The following CNTN4 variants were observed in gnomAD, a reference collection of about 807,000 sequenced individuals.
CNTN4 encodes the protein contactin 4, also known as contactin-4.
A neutral mutation model predicts 122.5 loss-of-function variants in CNTN4; 77 were observed. The ratio of observed to expected loss-of-function variants is 0.63; its 90% CI spans 0.52 to 0.76. The LOEUF (loss-of-function observed/expected upper bound fraction) is 0.76. CNTN4 is among the 30% of genes least tolerant of loss of function. CNTN4 has a pLI of 0.00. For missense variants in CNTN4, 1,256 were observed against 1,259.1 expected (o/e 1.00, Z 0.04); for synonymous variants, 512 against 447.0 (o/e 1.15, Z -1.83).
chr3:2,645,944 C>A (rs894649188), intron 4 of CNTN4, among the ~76,000 whole-genome samples: 1 of 152,186 alleles, frequency 6.6e-6, no homozygotes, highest in Non-Finnish European at 1.5e-5. Context: ...TCAACTGTAT[C>A]ACTTCAACTA....
At chr3:2,554,460 A>AT (rs1406709668) in intron 3 of CNTN4, among the ~76,000 whole-genome samples, 7 of 152,098 alleles carry the variant, frequency 4.6e-5, no homozygotes, top group Non-Finnish European at 8.8e-5. Context: ...TTGTACAATG[A>AT]TTTTGAGTAA....
chr3:2,583,799 T>C (rs1394270973), intron 4 of CNTN4, among the ~76,000 whole-genome samples: 2 of 152,236 alleles, frequency 1.3e-5, no homozygotes, highest in Non-Finnish European at 2.9e-5. Context: ...TACCGAGATA[T>C]CTGTGATTTA....
intron 2 of CNTN4, among the ~76,000 whole-genome samples, chr3:2,165,430 C>G (rs2036153439): frequency 6.6e-6 from 1 of 152,006 alleles, no homozygotes; most frequent in Non-Finnish European, 1.5e-5. Context: ...AGGTATACAA[C>G]TTGATTATTT....
intron 7 of CNTN4, among the ~76,000 whole-genome samples, chr3:2,824,388 T>A (rs953340695): frequency 1.3e-5 from 2 of 151,386 alleles, no homozygotes; most frequent in South Asian, 4.2e-4. Flanking sequence ...ACTCAGGAGG[T>A]GGAGGTTGCG....
chr3:2,882,848 C>T, intron 8 of CNTN4: 1 of 334,934 alleles, frequency 3.0e-6, no homozygotes, highest in Non-Finnish European at 5.7e-6. Context: ...ACTTCATCCC[C>T]TTCTCCTTTT....
chr3:2,214,012 G>A (rs2038729756), intron 2 of CNTN4, among the ~76,000 whole-genome samples: 1 of 152,126 alleles, frequency 6.6e-6, no homozygotes, highest in East Asian at 1.9e-4. Flanking sequence ...GTCATCTAGT[G>A]GAGTATTATG....
chr3:2,567,777 G>A (rs2079236926), intron 3 of CNTN4, among the ~76,000 whole-genome samples: 1 of 152,072 alleles, frequency 6.6e-6, no homozygotes, highest in East Asian at 1.9e-4. Flanking sequence ...GCTCAGAATG[G>A]CCTTCCTCCC....
intron 6 of CNTN4, among the ~76,000 whole-genome samples, chr3:2,775,760 CAG>C (rs1016908299): frequency 5.9e-5 from 9 of 152,142 alleles, no homozygotes; most frequent in Non-Finnish European, 1.3e-4. Context: ...AACTTTGCAA[CAG>C]AGCAGTTATT....
At position 2,489,555 on chromosome 3, in the gene CNTN4, A is replaced by T. The variant is rs147860366; in HGVS notation, c.-88-81861A>T. On this transcript the variant is annotated intron_variant, in intron 3 of 24. Coordinates refer to ENST00000418658, the MANE Select transcript of CNTN4 (RefSeq NM_175607.3). ...CCAAAGTACAATGTTCTGAGGAATT[A>T]AGAGAGTTTGAAGAGTAACTTCCTA... Among the ~76,000 whole-genome samples the T allele has an allele frequency of 1.8e-3, 281 of 152,352 alleles. 2 individuals are homozygous for T. The highest frequency in any genetic ancestry group is 3.1e-3 in the Non-Finnish European group (214 of 68,030).
intron 4 of CNTN4, among the ~76,000 whole-genome samples, chr3:2,584,910 T>G (rs2080115872): frequency 6.6e-6 from 1 of 151,388 alleles, no homozygotes; most frequent in African/African-American, 2.4e-5. Context: ...GGTAGGTAGG[T>G]AGGTAGGTAG....
In CNTN4 at chr3:3,053,827, A is replaced by G; in HGVS notation, c.2832A>G (p.Arg944=). 9.9e-6 allele frequency: 16 copies of G among 1,614,232 alleles called. No individual in the cohort carries two copies. The highest frequency in any genetic ancestry group is 1.4e-5 in the Non-Finnish European group (16 of 1,180,038). The change falls in exon 24 of 25, where the codon AGA becomes AGG. Residue 944 remains arginine, a synonymous_variant. Transcript: ENST00000418658. ...GGCAGGTCTTGTACAGATGGAACAG[A>G]CAAAGCAGCACATCTGTCATTGAAA... ...KGYKVLYRWN[R]QSSTSVIETN... is the part of the protein sequence containing the mutation.
At chr3:2,136,679 T>G (rs555125202) in intron 2 of CNTN4, among the ~76,000 whole-genome samples, 10 of 152,204 alleles carry the variant, frequency 6.6e-5, no homozygotes, top group African/African-American at 1.9e-4. Context: ...GTTACATTGC[T>G]TCCTTCCTTG....
chr3:2,633,483 C>T (rs1221390475), intron 4 of CNTN4, among the ~76,000 whole-genome samples: 1 of 152,182 alleles, frequency 6.6e-6, no homozygotes, highest in Non-Finnish European at 1.5e-5. Context: ...GACTTTGGGT[C>T]CATAAACACA....
chr3:2,465,916 A>G (rs1272501422), intron 3 of CNTN4, among the ~76,000 whole-genome samples: 1 of 152,290 alleles, frequency 6.6e-6, no homozygotes, highest in African/African-American at 2.4e-5. Context: ...GGAGTGTGCA[A>G]TTCATAATTG....
intron 3 of CNTN4, among the ~76,000 whole-genome samples, chr3:2,374,720 A>G (rs1285537074): frequency 6.6e-6 from 1 of 152,252 alleles, no homozygotes; most frequent in East Asian, 1.9e-4. Context: ...CATTAAACAC[A>G]CTGACCACGA....
At chr3:2,916,233 T>C (rs1001508199) in intron 12 of CNTN4, among the ~76,000 whole-genome samples, 3 of 152,036 alleles carry the variant, frequency 2.0e-5, no homozygotes, top group African/African-American at 4.8e-5. Flanking sequence ...TTGATCATTC[T>C]TGGGTGTTTC....
intron 3 of CNTN4, among the ~76,000 whole-genome samples, chr3:2,502,505 C>T (rs761617277): frequency 1.3e-5 from 2 of 152,158 alleles, no homozygotes; most frequent in Non-Finnish European, 2.9e-5. Context: ...AGCCAGCAAT[C>T]AGGGCTCCTG....
intron 6 of CNTN4, among the ~76,000 whole-genome samples, chr3:2,806,557 T>G (rs7651788): frequency 0.26 from 39,266 of 152,134 alleles, 6,071 homozygotes; most frequent in East Asian, 0.44. Flanking sequence ...TCTTCTCTTA[T>G]CAAATCAGTG....
intron 2 of CNTN4, among the ~76,000 whole-genome samples, chr3:2,245,410 G>A (rs567563390): frequency 6.6e-6 from 1 of 152,092 alleles, no homozygotes; most frequent in African/African-American, 2.4e-5. Flanking sequence ...CCAGGTTGGT[G>A]AATATCACAA....
Sources: allele counts gnomAD v4.1 joint callset (sites outside exome capture counted in the v4.1 genomes callset), GRCh38; gene constraint gnomAD v4.1.1; transcripts MANE v1.5; gene names NCBI Gene and HGNC (gene_info 2026-07-23, HGNC 2026-07-21).